DLGAP2: variants seen among roughly 807,000 people sequenced by gnomAD.
DLGAP2 encodes DLG associated protein 2.
In DLGAP2, 26 loss-of-function variants were observed where a neutral mutation model predicts 100.3. That is an observed-to-expected ratio of 0.26 (90% CI 0.19 to 0.36). The LOEUF is 0.36. Among genes scored for constraint, DLGAP2 ranks in the 10% least tolerant of loss-of-function variants. The pLI, the probability that DLGAP2 is intolerant of heterozygous loss-of-function variation, is 1.00. For synonymous variants in DLGAP2, 886 were observed against 630.1 expected, an observed-to-expected ratio of 1.41 and a Z score of -6.08; for missense variants, 1,858 against 1,453.2, an observed-to-expected ratio of 1.28 and a Z score of -4.53.
chr8:904,413 G>C (rs1798331773), intron 1 of DLGAP2, among the ~76,000 whole-genome samples: 1 of 152,162 alleles, frequency 6.6e-6, no homozygotes, highest in African/African-American at 2.4e-5. Flanking sequence ...CCAGTGACTA[G>C]GGAGGCTGAG....
At chr8:1,269,988 C>T (rs957927163) in intron 3 of DLGAP2, among the ~76,000 whole-genome samples, 7 of 152,228 alleles carry the variant, frequency 4.6e-5, no homozygotes, top group African/African-American at 1.7e-4. Flanking sequence ...ATCTTGAAAC[C>T]GGTATTTTCC....
At chr8:1,052,902 T>C (rs1802763457) in intron 2 of DLGAP2, among the ~76,000 whole-genome samples, 1 of 152,230 alleles carries the variant, frequency 6.6e-6, no homozygotes, top group African/African-American at 2.4e-5. Flanking sequence ...ATTATTAATC[T>C]TCCCCCAAAT....
At chr8:886,641 T>TATTTACC (rs1797928989) in intron 1 of DLGAP2, among the ~76,000 whole-genome samples, 1 of 152,224 alleles carries the variant, frequency 6.6e-6, no homozygotes, top group Non-Finnish European at 1.5e-5. Context: ...CAGGAGTCAT[T>TATTTACC]CAGGAGCAGG....
At chr8:1,607,848 G>A (rs12375386) in intron 6 of DLGAP2, among the ~76,000 whole-genome samples, 18 of 150,602 alleles carry the variant, frequency 1.2e-4, no homozygotes, top group Admixed American at 5.9e-4. Flanking sequence ...AAAAAACGGC[G>A]CACCACGAGA....
intron 1 of DLGAP2, among the ~76,000 whole-genome samples, chr8:763,185 T>C (rs1202051799): frequency 2.6e-5 from 4 of 152,110 alleles, no homozygotes; most frequent in Non-Finnish European, 2.9e-5. Context: ...GAGCACGGCG[T>C]TGTGGAGACA....
intron 2 of DLGAP2, among the ~76,000 whole-genome samples, chr8:977,222 C>T (rs1800188522): frequency 6.6e-6 from 1 of 152,240 alleles, no homozygotes; most frequent in African/African-American, 2.4e-5. Context: ...CAGAGACCCA[C>T]TCCTTGCCTC....
rs115780247 is a variant in DLGAP2, at chr8:1,299,463, A to G, written c.106+40580A>G. ...ATGTTTAATAATACTCTTTGTGATA[A>G]TCTTAGGAATCTTAGGAATGCCAGG... On this transcript the variant is annotated intron_variant, in intron 3 of 14. Coordinates refer to ENST00000637795, the MANE Select transcript of DLGAP2 (RefSeq NM_001346810.2). Among the ~76,000 whole-genome samples, 295 of 152,326 alleles carry G rather than the reference A, an allele frequency of 1.9e-3. 4 individuals are homozygous for G. Among genetic ancestry groups the G allele is most frequent in the Middle Eastern group, 6.8e-3 (2 of 294 alleles).
chr8:1,243,894 A>G (rs952281715), intron 2 of DLGAP2, among the ~76,000 whole-genome samples: 2 of 152,208 alleles, frequency 1.3e-5, no homozygotes, highest in African/African-American at 4.8e-5. Context: ...GTGCCTCAGC[A>G]TCTGTTCTCT....
At chr8:1,578,547 G>T (rs1445908701) in intron 6 of DLGAP2, among the ~76,000 whole-genome samples, 4 of 152,096 alleles carry the variant, frequency 2.6e-5, no homozygotes, top group African/African-American at 9.7e-5. Flanking sequence ...GAGCACTCCT[G>T]CAAAGACTGC....
At chr8:961,502 A>G (rs1317292012) in intron 2 of DLGAP2, among the ~76,000 whole-genome samples, 2 of 152,198 alleles carry the variant, frequency 1.3e-5, no homozygotes, top group Non-Finnish European at 2.9e-5. Context: ...AAATGTAGAC[A>G]CCAGTTCTGT....
Position 1,189,135 on chromosome 8 carries a change from G to A in DLGAP2, c.74-69716G>A, listed in dbSNP as rs1038654225. Among the ~76,000 whole-genome samples the A allele has an allele frequency of 1.5e-4, 22 of 142,526 alleles. 2 individuals are homozygous for A. The highest frequency in any genetic ancestry group is 3.0e-4 in the Non-Finnish European group (20 of 67,592). 93.5% of individuals were successfully genotyped at this position (142,526 alleles called of 152,430 possible). A position where few individuals can be genotyped will look rare whatever the true frequency, so the allele number is the denominator to read the frequency against. ...AGGGTTCGGGCCCCATGGCGGTTCCGCTGTTGGGGTTGAGCATACACAGGG... is the reference window on the plus strand; with the variant it reads ...AGGGTTCGGGCCCCATGGCGGTTCCACTGTTGGGGTTGAGCATACACAGGG... On this transcript the variant is annotated intron_variant, in intron 2 of 14. Coordinates refer to ENST00000637795, the MANE Select transcript of DLGAP2 (RefSeq NM_001346810.2).
intron 1 of DLGAP2, among the ~76,000 whole-genome samples, chr8:839,883 C>T (rs1258941095): frequency 6.6e-6 from 1 of 152,222 alleles, no homozygotes; most frequent in Non-Finnish European, 1.5e-5. Flanking sequence ...TTCCCCAGGC[C>T]GTTTGGCCTG....
At position 1,357,218 on chromosome 8, in the gene DLGAP2, C is replaced by G. The variant is rs1801875910; in HGVS notation, c.106+98335C>G. Among the ~76,000 whole-genome samples, 3 of 152,058 alleles carry G rather than the reference C, an allele frequency of 2.0e-5. 1 individual carries two copies. The highest frequency in any genetic ancestry group is 4.1e-4 in the South Asian group (2 of 4,820). ...CAAGGGTGCTCAGGTGGCCTTGGTG[C>G]AGACACTCACAGCTCTCAGACTGCA... On this transcript the variant is annotated intron_variant, in intron 3 of 14. Coordinates refer to ENST00000637795, the MANE Select transcript of DLGAP2 (RefSeq NM_001346810.2).
chr8:1,440,214 G>A (rs900010552), intron 3 of DLGAP2, among the ~76,000 whole-genome samples: 2 of 152,164 alleles, frequency 1.3e-5, no homozygotes, highest in Admixed American at 6.5e-5. Context: ...AACAGACATA[G>A]CCCTAAATTG....
chr8:1,664,044 G>A (rs1013544436), intron 8 of DLGAP2, among the ~76,000 whole-genome samples: 2 of 152,188 alleles, frequency 1.3e-5, no homozygotes, highest in Non-Finnish European at 2.9e-5. Context: ...TGGTTTTGTT[G>A]ATGACAACTG....
chr8:1,165,214 TG>T (rs1167623408), intron 2 of DLGAP2, among the ~76,000 whole-genome samples: 1 of 33,792 alleles, frequency 3.0e-5, no homozygotes, highest in African/African-American at 2.4e-4. Context: ...GAGGGGGAGA[TG>T]GGGGGGCGGG....
At chr8:1,047,263 T>G (rs148778982) in intron 2 of DLGAP2, among the ~76,000 whole-genome samples, 3 of 152,362 alleles carry the variant, frequency 2.0e-5, no homozygotes, top group African/African-American at 7.2e-5. Flanking sequence ...GTCTGGTTTC[T>G]TTCACTTAGC....
chr8:1,333,388 A>G (rs11781322), intron 3 of DLGAP2, among the ~76,000 whole-genome samples: 1,628 of 152,248 alleles, frequency 0.011, 14 homozygotes, highest in South Asian at 0.036. Context: ...TTTTGCTGCC[A>G]TATTCTAATG....
At chr8:1,438,483 T>TAA (rs368793483) in intron 3 of DLGAP2, among the ~76,000 whole-genome samples, 42 of 152,210 alleles carry the variant, frequency 2.8e-4, no homozygotes, top group African/African-American at 8.7e-4. Context: ...TGTGGCTTTT[T>TAA]AAAAAAAAAC....
Sources: allele counts gnomAD v4.1 joint callset (sites outside exome capture counted in the v4.1 genomes callset), GRCh38; gene constraint gnomAD v4.1.1; transcripts MANE v1.5; gene names NCBI Gene and HGNC (gene_info 2026-07-23, HGNC 2026-07-21).